The following PHF21B variants were observed in gnomAD, a reference collection of about 807,000 sequenced individuals.
PHF21B encodes PHD finger protein 21B.
PHF21B carries 22 observed loss-of-function variants against 62.2 expected under a neutral mutation model. The observed-to-expected ratio is 0.35, with a 90% CI of 0.25 to 0.51. The LOEUF (loss-of-function observed/expected upper bound fraction) is 0.51, where lower values mean the gene tolerates loss of function less well. Among genes scored for constraint, PHF21B ranks in the 20% least tolerant of loss-of-function variants. PHF21B has a pLI of 0.97. For synonymous variants in PHF21B, 341 were observed against 314.7 expected (o/e 1.08, Z -0.88); for missense variants, 701 against 707.9 (o/e 0.99, Z 0.11).
At chr22:44,967,528 T>C (rs1240296821) in intron 2 of PHF21B, among the ~76,000 whole-genome samples, 1 of 152,200 alleles carries the variant, frequency 6.6e-6, no homozygotes, top group Non-Finnish European at 1.5e-5. Context: ...GCCAGTCTTT[T>C]ACTTTTTAAA....
intron 5 of PHF21B, 119 bp from the exon 6 acceptor site, chr22:44,896,202 G>GGCCT: frequency 1.9e-6 from 2 of 1,031,746 alleles, no homozygotes; most frequent in Non-Finnish European, 3.0e-6. Flanking sequence ...TAACCACAGA[G>GGCCT]GCCTCCAACT....
At chr22:44,928,068 T>C (rs2071667831) in intron 2 of PHF21B, among the ~76,000 whole-genome samples, 6 of 152,254 alleles carry the variant, frequency 3.9e-5, no homozygotes, top group South Asian at 4.2e-4. Context: ...AAAAGCCACA[T>C]GTGGCTCTGG....
chr22:44,933,542 G>C (rs571294307), intron 2 of PHF21B: 1 of 985,478 alleles, frequency 1.0e-6, no homozygotes, highest in Non-Finnish European at 1.2e-6. Flanking sequence ...CCAGAAGTGA[G>C]CATCAGAACG....
intron 5 of PHF21B, among the ~76,000 whole-genome samples, chr22:44,897,921 G>A (rs2071088539): frequency 6.6e-6 from 1 of 152,098 alleles, no homozygotes; most frequent in South Asian, 2.1e-4. Flanking sequence ...CAATTCTCCT[G>A]CCTCAGCCTC....
chr22:44,885,924 G>A lies in PHF21B; in HGVS notation c.1212C>T (p.Asp404=), dbSNP rs370654487. 100 of 1,613,914 alleles carry A rather than the reference G, an allele frequency of 6.2e-5. No homozygotes were observed. The highest frequency in any genetic ancestry group is 1.6e-4 in the Middle Eastern group (1 of 6,082). Residue 404 remains aspartate (D), a synonymous_variant, in exon 11 of 13, where the codon GAC becomes GAT. Transcript: ENST00000313237. ...GCATCCCAGTCCAGGGCACACCCTC[G>A]TCTTTCTTTAAGGCCTGGGGAGCAG... The part of the protein sequence containing the change: ...PRCQQKALKK[D]EGVPWTGMLA...
intron 2 of PHF21B, among the ~76,000 whole-genome samples, chr22:44,951,236 C>T (rs527964171): frequency 6.6e-6 from 1 of 152,340 alleles, no homozygotes; most frequent in Admixed American, 6.5e-5. Flanking sequence ...ATCACCGCCT[C>T]AGCTCCACCG....
intron 8 of PHF21B, among the ~76,000 whole-genome samples, chr22:44,890,906 G>A (rs560588893): frequency 1.3e-5 from 2 of 152,382 alleles, no homozygotes; most frequent in Non-Finnish European, 2.9e-5. Flanking sequence ...GCCCAGAGCA[G>A]GCACAAGAGG....
intron 2 of PHF21B, among the ~76,000 whole-genome samples, chr22:44,980,955 C>T (rs2072831097): frequency 1.3e-5 from 2 of 152,214 alleles, no homozygotes; most frequent in African/African-American, 4.8e-5. Context: ...ACTTGCTAAT[C>T]AAATCAAACC....
At position 45,008,616 on chromosome 22, in the gene PHF21B, G is replaced by T. The variant is rs77409377; in HGVS notation, c.55-6C>A. ...TGCTTCTTGAGGTCGCCGTTCTGCG[G>T]AAACACGGAGGAGCGGGCTCAGGCA... is the stretch of plus-strand genomic sequence containing the variant. On this transcript the variant is annotated splice_polypyrimidine_tract_variant and splice_region_variant and intron_variant, in intron 1 of 12. Transcript: ENST00000313237. The T allele has an allele frequency of 4.4e-6, 7 of 1,577,750 alleles. No homozygotes were observed. The Admixed American group carries it at 7.2e-5, about 16-fold the overall frequency.
chr22:44,895,279 C>A (rs1265663303), intron 6 of PHF21B, among the ~76,000 whole-genome samples: 1 of 152,112 alleles, frequency 6.6e-6, no homozygotes, highest in South Asian at 2.1e-4. Context: ...GGTTTCGAGG[C>A]TTCCCAGGCC....
intron 2 of PHF21B, among the ~76,000 whole-genome samples, chr22:45,000,179 G>A (rs80183360): frequency 0.05 from 7,563 of 152,186 alleles, 241 homozygotes; most frequent in South Asian, 0.16. Context: ...TTTGTCACAC[G>A]CCTCTCGGAG....
chr22:44,882,913 C>G lies in PHF21B; in HGVS notation c.*173G>C, dbSNP rs578151693. On this transcript the variant is annotated 3_prime_UTR_variant, in exon 13 of 13. Coordinates refer to ENST00000313237, the MANE Select transcript of PHF21B (RefSeq NM_138415.5). ...TTTGGAGGGCACAGGGCCGCACCCC[C>G]ACCTGGTCCTGGCTCTAGGCCTCTC... 35 of 779,760 alleles carry G rather than the reference C, an allele frequency of 4.5e-5. 1 individual carries two copies. In the South Asian group the frequency reaches 4.7e-4, roughly 10 times the overall value. The allele number at this position is 779,760 out of a possible 1,614,324, so 48.3% of individuals were successfully genotyped here.
intron 3 of PHF21B, among the ~76,000 whole-genome samples, chr22:44,919,751 C>T (rs986027693): frequency 1.3e-5 from 2 of 152,230 alleles, no homozygotes; most frequent in African/African-American, 4.8e-5. Flanking sequence ...TGCTCTGTAC[C>T]AGGCACGGTT....
intron 5 of PHF21B, among the ~76,000 whole-genome samples, chr22:44,910,269 G>C (rs1189094140): frequency 6.6e-6 from 1 of 152,160 alleles, no homozygotes; most frequent in Non-Finnish European, 1.5e-5. Flanking sequence ...GTGGAATGAA[G>C]GGCACAACAG....
chr22:44,896,878 C>CTTTTTTTTTTTTT (rs1439624625), intron 5 of PHF21B, among the ~76,000 whole-genome samples: 3 of 37,328 alleles, frequency 8.0e-5, no homozygotes, highest in African/African-American at 2.6e-4. Flanking sequence ...TTAGTTTTAT[C>CTTTTTTTTTTTTT]TGTTTTTTTT....
intron 5 of PHF21B, among the ~76,000 whole-genome samples, chr22:44,897,004 G>A (rs6007375): frequency 0.097 from 14,451 of 149,736 alleles, 779 homozygotes; most frequent in African/African-American, 0.16. Flanking sequence ...TCAGCCTCCC[G>A]AGGAGCTGGG....
At chr22:44,926,722 C>A (rs1429551817) in intron 2 of PHF21B, among the ~76,000 whole-genome samples, 2 of 152,176 alleles carry the variant, frequency 1.3e-5, no homozygotes, top group Non-Finnish European at 2.9e-5. Context: ...GCCACGTGGG[C>A]CATGGGTAGC....
intron 2 of PHF21B, among the ~76,000 whole-genome samples, chr22:44,933,901 C>T (rs1028494318): frequency 3.9e-5 from 6 of 152,204 alleles, no homozygotes; most frequent in African/African-American, 1.4e-4. Flanking sequence ...CTCTGGCAGT[C>T]CCCAGGAGAC....
chr22:44,974,900 C>T (rs1390417135), intron 2 of PHF21B, among the ~76,000 whole-genome samples: 2 of 152,118 alleles, frequency 1.3e-5, no homozygotes, highest in Admixed American at 1.3e-4. Flanking sequence ...CACTCAGTAC[C>T]CAATCATTGA....
Sources: gnomAD v4.1 joint callset for allele counts (sites outside exome capture counted in the v4.1 genomes callset) on GRCh38, gnomAD v4.1.1 for gene constraint, MANE v1.5 for transcripts, NCBI Gene and HGNC (gene_info 2026-07-23, HGNC 2026-07-21) for gene names.